Variants in ATP11B observed in about 807,000 individuals in gnomAD.
ATP11B encodes the protein ATPase phospholipid transporting 11B (putative), also known as phospholipid-transporting ATPase IF.
ATP11B carries 81 observed loss-of-function variants against 157.8 expected under a neutral mutation model. That is an observed-to-expected ratio of 0.51 (90% CI 0.43 to 0.62). ATP11B has a LOEUF of 0.62. ATP11B is among the 20% of genes least tolerant of loss of function. ATP11B has a pLI of 0.00. For synonymous variants in ATP11B, 451 were observed against 469.4 expected, an observed-to-expected ratio of 0.96 and a Z score of 0.51; for missense variants, 1,165 against 1,402.2, an observed-to-expected ratio of 0.83 and a Z score of 2.70.
At chr3:182,903,589 G>A (rs1724121532) in intron 28 of ATP11B, among the ~76,000 whole-genome samples, 1 of 152,088 alleles carries the variant, frequency 6.6e-6, no homozygotes, top group African/African-American at 2.4e-5. Flanking sequence ...AATTACAATG[G>A]TGTAATAATT....
chr3:182,856,276 G>A (rs933313444), intron 10 of ATP11B, among the ~76,000 whole-genome samples: 15 of 152,184 alleles, frequency 9.9e-5, no homozygotes, highest in Non-Finnish European at 1.5e-5. Context: ...AATAGGAGCT[G>A]TGGTACTAGT....
At chr3:182,907,487 T>C (rs922327589) in intron 28 of ATP11B, among the ~76,000 whole-genome samples, 1 of 152,246 alleles carries the variant, frequency 6.6e-6, no homozygotes, top group African/African-American at 2.4e-5. Flanking sequence ...AATGAAAAAT[T>C]AATCAACTCT....
Position 182,819,261 on chromosome 3 carries a change from CG to C in ATP11B, c.28-995del, listed in dbSNP as rs370744601. Among the ~76,000 whole-genome samples the C allele has an allele frequency of 1.1e-3, 166 of 151,926 alleles. 1 individual carries two copies. Among genetic ancestry groups the C allele is most frequent in the African/African-American group, 4.0e-3 (164 of 41,480 alleles). On this transcript the variant is annotated intron_variant, in intron 1 of 29. Coordinates refer to ENST00000323116, the MANE Select transcript of ATP11B (RefSeq NM_014616.3). ...TTTTTTTTGTATTTTTTAGTAGAGACGGGGTTTCACCATGTTGGCCAGGATG... is the reference window on the plus strand; with the variant it reads ...TTTTTTTTGTATTTTTTAGTAGAGACGGGTTTCACCATGTTGGCCAGGATG...
At chr3:182,909,402 CT>C (rs1323346432) in intron 28 of ATP11B, among the ~76,000 whole-genome samples, 1 of 152,182 alleles carries the variant, frequency 6.6e-6, no homozygotes, top group Non-Finnish European at 1.5e-5. Context: ...ATCACAACTT[CT>C]AGTAAATTAA....
chr3:182,838,785 TTATA>T (rs757823857), intron 7 of ATP11B, among the ~76,000 whole-genome samples: 2 of 145,000 alleles, frequency 1.4e-5, no homozygotes, highest in Non-Finnish European at 3.0e-5. Flanking sequence ...GTGCTATATA[TTATA>T]TATATATATA....
chr3:182,826,421 A>G (rs573228052), intron 2 of ATP11B, among the ~76,000 whole-genome samples: 9 of 152,328 alleles, frequency 5.9e-5, no homozygotes, highest in South Asian at 2.1e-4. Context: ...GAGACTTCCA[A>G]CCTTCCTTAT....
intron 1 of ATP11B, among the ~76,000 whole-genome samples, chr3:182,806,326 G>T (rs1295269251): frequency 6.6e-6 from 1 of 152,050 alleles, no homozygotes; most frequent in African/African-American, 2.4e-5. Context: ...TTACTGTGAT[G>T]TATCCATCAT....
At chr3:182,820,191 C>T in intron 1 of ATP11B, 69 bp from the exon 2 acceptor site, 1 of 1,008,048 alleles carries the variant, frequency 9.9e-7, no homozygotes, top group Admixed American at 1.8e-5. Context: ...CTAAATAAAG[C>T]TAACAGTAAA....
intron 26 of ATP11B, 47 bp downstream of exon 26, chr3:182,896,812 C>A: frequency 1.4e-6 from 2 of 1,396,738 alleles, no homozygotes; most frequent in Non-Finnish European, 1.0e-6. Flanking sequence ...CAACTGTTTA[C>A]ATAGTTAGTT....
chr3:182,800,071 G>A (rs1466732110), intron 1 of ATP11B, among the ~76,000 whole-genome samples: 2 of 151,884 alleles, frequency 1.3e-5, no homozygotes, highest in Non-Finnish European at 1.5e-5. Context: ...GATTGTGCCA[G>A]TACATTCCAG....
rs1423341970 is a variant in ATP11B, at chr3:182,836,357, C to T, written c.439C>T (p.Arg147Ter). The T allele has an allele frequency of 1.9e-6, 3 of 1,613,582 alleles. No homozygotes were observed. Among genetic ancestry groups the T allele is most frequent in the Non-Finnish European group, 1.7e-6 (2 of 1,179,760 alleles). Reference sequence around the variant, plus strand: ...TTCTTTATAGGTGGGTGATATTGTTCGAATAGCCAAAGATGAAATTTTTCC... The same window carrying T: ...TTCTTTATAGGTGGGTGATATTGTTTGAATAGCCAAAGATGAAATTTTTCC... The part of the protein sequence containing the change: ...SKNIRVGDIV[R>*]IAKDEIFPAD... Residue 147 changes from arginine (R) to a stop codon, truncating the protein, a stop_gained, in exon 6 of 30, where the codon CGA (arginine) becomes TGA (stop). Transcript: ENST00000323116. LOFTEE classifies it high-confidence loss of function.
At chr3:182,828,973 A>G (rs1717923873) in intron 3 of ATP11B, among the ~76,000 whole-genome samples, 1 of 152,166 alleles carries the variant, frequency 6.6e-6, no homozygotes, top group African/African-American at 2.4e-5. Context: ...AAACTTGTCA[A>G]ATAATCATTT....
chr3:182,818,940 GA>G (rs1337688832), intron 1 of ATP11B, among the ~76,000 whole-genome samples: 1 of 148,076 alleles, frequency 6.8e-6, no homozygotes, highest in African/African-American at 2.5e-5. Flanking sequence ...AAGAAAAAAA[GA>G]AAAAAACCTA....
At chr3:182,883,370 A>G (rs13066289) in intron 21 of ATP11B, among the ~76,000 whole-genome samples, 106,850 of 151,322 alleles carry the variant, frequency 0.71, 38,103 homozygotes, top group Non-Finnish European at 0.76. Flanking sequence ...CGATTCTCCT[A>G]CCTCAGCCTC....
chr3:182,836,545 T>A, intron 6 of ATP11B, 75 bp downstream of exon 6: 1 of 1,567,448 alleles, frequency 6.4e-7, no homozygotes, highest in Non-Finnish European at 8.7e-7. Context: ...TTAACTTTGG[T>A]TAAAGTAGTA....
At chr3:182,884,234 T>C (rs1049657939) in intron 21 of ATP11B, among the ~76,000 whole-genome samples, 10 of 152,084 alleles carry the variant, frequency 6.6e-5, no homozygotes, top group Middle Eastern at 3.2e-3. Flanking sequence ...TCAAATGATA[T>C]TGCTTATTTT....
intron 23 of ATP11B, among the ~76,000 whole-genome samples, chr3:182,886,784 CAA>C (rs930879558): frequency 6.6e-6 from 1 of 152,110 alleles, no homozygotes; most frequent in African/African-American, 2.4e-5. Flanking sequence ...ATTGAAAAAA[CAA>C]GAGCTTAATT....
Position 182,848,574 on chromosome 3 carries a change from CATTT to C in ATP11B, c.851+24_851+27del. The stretch of plus-strand genomic sequence containing the variant: ...AGTAGAAAAGTAAGAAAACTGTTTT[CATTT>C]ATTTATATGTAATTATAACTCTACA... On this transcript the variant is annotated intron_variant, in intron 10 of 29. Transcript: ENST00000323116. 1 of 1,447,654 alleles carries C rather than the reference CATTT, an allele frequency of 6.9e-7. No homozygotes were observed. Among genetic ancestry groups the C allele is most frequent in the Non-Finnish European group, 9.3e-7 (1 of 1,071,996 alleles). The allele number at this position is 1,447,654 out of a possible 1,614,324, so 89.7% of individuals were successfully genotyped here. A position where few individuals can be genotyped will look rare whatever the true frequency, so the allele number is the denominator to read the frequency against.
intron 1 of ATP11B, among the ~76,000 whole-genome samples, chr3:182,808,988 C>G (rs1055397439): frequency 7.2e-5 from 11 of 151,880 alleles, no homozygotes; most frequent in African/African-American, 2.4e-4. Flanking sequence ...GTTTCCCTTG[C>G]TTTCTTTTTT....
Sources: allele counts gnomAD v4.1 joint callset (sites outside exome capture counted in the v4.1 genomes callset), GRCh38; gene constraint gnomAD v4.1.1; transcripts MANE v1.5; gene names NCBI Gene and HGNC (gene_info 2026-07-23, HGNC 2026-07-21).